CDH2: variants seen among roughly 807,000 people sequenced by gnomAD.
The protein encoded by CDH2 is cadherin-2.
CDH2 carries 17 observed loss-of-function variants against 92.0 expected under a neutral mutation model. That is an observed-to-expected ratio of 0.18 (90% confidence interval 0.13 to 0.28). CDH2 has a LOEUF of 0.28. Ranked by LOEUF, CDH2 falls within the 10% of genes least tolerant of loss-of-function variation. CDH2 has a pLI of 1.00. For missense variants in CDH2, 862 were observed against 1,133.1 expected (o/e 0.76, Z 3.44); for synonymous variants, 419 against 415.9 (o/e 1.01, Z -0.09).
intron 3 of CDH2, among the ~76,000 whole-genome samples, chr18:28,013,396 G>A (rs1044842287): frequency 6.6e-6 from 1 of 152,072 alleles, no homozygotes; most frequent in Non-Finnish European, 1.5e-5. Context: ...TTATTTAACA[G>A]CTTGTAAAAC....
At chr18:27,947,749 GTA>G (rs1346000390), downstream of CDH2, among the ~76,000 whole-genome samples, 1 of 142,490 alleles carries the variant, frequency 7.0e-6, no homozygotes, top group Non-Finnish European at 1.6e-5. Flanking sequence ...TGATATAAGT[GTA>G]TATGATGTAA....
intron 2 of CDH2, among the ~76,000 whole-genome samples, chr18:28,061,026 GA>G (rs1295128944): frequency 6.6e-6 from 1 of 152,146 alleles, no homozygotes; most frequent in African/African-American, 2.4e-5. Flanking sequence ...AAATGACTGT[GA>G]GACAAGTTAA....
chr18:28,146,211 T>C (rs1216522062), intron 2 of CDH2: 1 of 152,154 alleles, frequency 6.6e-6, no homozygotes, highest in Admixed American at 6.5e-5. Flanking sequence ...TAAAAATGAA[T>C]CTCAAAAATA....
At chr18:27,968,437 G>A (rs1399944460) in intron 14 of CDH2, among the ~76,000 whole-genome samples, 1 of 152,194 alleles carries the variant, frequency 6.6e-6, no homozygotes, top group Non-Finnish European at 1.5e-5. Context: ...GTTTAAGATG[G>A]TTCCACTAAT....
At chr18:28,068,536 A>G (rs2014554334) in intron 2 of CDH2, among the ~76,000 whole-genome samples, 1 of 152,198 alleles carries the variant, frequency 6.6e-6, no homozygotes, top group East Asian at 1.9e-4. Flanking sequence ...TTAAAAATAA[A>G]CTGAATTTAC....
intron 15 of CDH2, among the ~76,000 whole-genome samples, chr18:27,957,041 A>T (rs2011264198): frequency 6.6e-6 from 1 of 151,982 alleles, no homozygotes; most frequent in Non-Finnish European, 1.5e-5. Flanking sequence ...CCAAACCCCA[A>T]AGCATCATGT....
At chr18:28,086,164 G>C (rs1451257179) in intron 2 of CDH2, among the ~76,000 whole-genome samples, 1 of 152,158 alleles carries the variant, frequency 6.6e-6, no homozygotes, top group Non-Finnish European at 1.5e-5. Context: ...TTGCAATTGA[G>C]AAGTTGATAC....
intron 7 of CDH2, among the ~76,000 whole-genome samples, chr18:27,997,520 G>T (rs114961505): frequency 0.01 from 1,562 of 152,262 alleles, 40 homozygotes; most frequent in African/African-American, 0.036. Flanking sequence ...AAAAGTAACT[G>T]CAGTTTTTGC....
At chr18:28,066,365 A>G (rs1232957856) in intron 2 of CDH2, among the ~76,000 whole-genome samples, 2 of 152,148 alleles carry the variant, frequency 1.3e-5, no homozygotes, top group Non-Finnish European at 2.9e-5. Flanking sequence ...GTCTAATCAG[A>G]GTATTTTTAG....
chr18:28,024,130 C>A (rs181793325), intron 2 of CDH2, among the ~76,000 whole-genome samples: 1 of 152,244 alleles, frequency 6.6e-6, no homozygotes, highest in Non-Finnish European at 1.5e-5. Flanking sequence ...TTGGGGTAGA[C>A]TGCCACAAAA....
At chr18:28,052,851 T>A (rs75804691) in intron 2 of CDH2, among the ~76,000 whole-genome samples, 2 of 152,270 alleles carry the variant, frequency 1.3e-5, no homozygotes, top group Non-Finnish European at 2.9e-5. Flanking sequence ...GCTGAATGTG[T>A]CCCCTTAAAA....
intron 15 of CDH2, 81 bp from the exon 16 acceptor site, chr18:27,952,440 C>A (rs183351054): frequency 2.6e-5 from 28 of 1,074,244 alleles, no homozygotes; most frequent in African/African-American, 2.2e-4. Flanking sequence ...CTAATGAATT[C>A]ACGGGATCAA....
intron 7 of CDH2, among the ~76,000 whole-genome samples, chr18:27,996,827 T>G (rs577140215): frequency 1.3e-5 from 2 of 152,272 alleles, no homozygotes; most frequent in East Asian, 3.9e-4. Flanking sequence ...TGATCTTATC[T>G]CAGGTAAAGA....
chr18:27,977,328 A>G (rs1445497028), intron 14 of CDH2, among the ~76,000 whole-genome samples: 1 of 152,194 alleles, frequency 6.6e-6, no homozygotes, highest in Non-Finnish European at 1.5e-5. Context: ...GTTATACACA[A>G]GGTAAGAAAA....
chr18:27,938,280 A>G (rs757366488), intron 6 of CDH2, among the ~76,000 whole-genome samples: 30 of 152,150 alleles, frequency 2.0e-4, no homozygotes, highest in Non-Finnish European at 3.5e-4. Flanking sequence ...TTGTTTTCTT[A>G]ATAAATTACC....
chr18:28,094,719 G>T (rs533121591), intron 2 of CDH2, among the ~76,000 whole-genome samples: 1 of 148,222 alleles, frequency 6.7e-6, no homozygotes, highest in Admixed American at 6.8e-5. Flanking sequence ...GCGTGAACCC[G>T]GGAAGCGGAG....
At chr18:28,006,717 CAAAAA>C (rs35592550) in intron 5 of CDH2, among the ~76,000 whole-genome samples, 1 of 77,618 alleles carries the variant, frequency 1.3e-5, no homozygotes. Context: ...GACTCTGTCT[CAAAAA>C]AAAAAAAAAA....
At chr18:28,100,180 T>A (rs2015204519) in intron 2 of CDH2, among the ~76,000 whole-genome samples, 1 of 152,124 alleles carries the variant, frequency 6.6e-6, no homozygotes, top group Non-Finnish European at 1.5e-5. Flanking sequence ...TCTGTGAGTG[T>A]GTTTTGGGAT....
intron 2 of CDH2, among the ~76,000 whole-genome samples, chr18:28,114,905 T>TA (rs968576005): frequency 2.0e-5 from 3 of 151,754 alleles, no homozygotes; most frequent in Non-Finnish European, 2.9e-5. Context: ...AAAAAAATTA[T>TA]AAAAAAAAGT....
Sources: allele counts gnomAD v4.1 joint callset (sites outside exome capture counted in the v4.1 genomes callset), GRCh38; gene constraint gnomAD v4.1.1; transcripts MANE v1.5; gene names NCBI Gene and HGNC (gene_info 2026-07-23, HGNC 2026-07-21).